PRPF31: variants seen among roughly 807,000 people sequenced by gnomAD.
The protein encoded by PRPF31 is pre-mRNA processing factor 31.
In PRPF31, 12 loss-of-function variants were observed where a neutral mutation model predicts 60.4. The ratio of observed to expected loss-of-function variants is 0.20; its 90% CI spans 0.13 to 0.32. The LOEUF is 0.32. Ranked by LOEUF, PRPF31 falls within the 10% of genes least tolerant of loss-of-function variation. The pLI, the probability that PRPF31 is intolerant of heterozygous loss-of-function variation, is 1.00. For missense variants in PRPF31, 431 were observed against 687.1 expected (o/e 0.63, Z 4.17); for synonymous variants, 287 against 287.9 (o/e 1.00, Z 0.03).
intron 5 of PRPF31, 140 bp downstream of exon 5, chr19:54,122,734 C>T (rs1486949578): frequency 2.6e-5 from 20 of 764,404 alleles, no homozygotes; most frequent in African/African-American, 2.4e-4. Flanking sequence ...CTCTGCCCAG[C>T]GTGGGAGGGA....
At chr19:54,122,775 C>T (rs2073824791) in intron 5 of PRPF31, 181 bp downstream of exon 5, 1 of 676,524 alleles carries the variant, frequency 1.5e-6, no homozygotes. Context: ...CTCAGGGCTC[C>T]CCTCCAACCC....
In PRPF31 at chr19:54,118,387, G is replaced by C; in HGVS notation, c.109G>C (p.Glu37Gln). Residue 37 changes from glutamate to glutamine, a missense_variant, in exon 2 of 14, where the codon GAG becomes CAG. Around this residue, in one of 4 missense-constraint regions of PRPF31, gnomAD observed 113 missense variants for 173.8 expected, o/e 0.65. Transcript: ENST00000321030. ...GGAGCCAGCGATCGAGGATGTGCAGGAGGAGACACAGCTGGATCTTTCCGG... is the reference window on the plus strand; with the variant it reads ...GGAGCCAGCGATCGAGGATGTGCAGCAGGAGACACAGCTGGATCTTTCCGG... ...EEEPAIEDVQEETQLDLSGDS... is the reference protein window; with the variant it reads ...EEEPAIEDVQQETQLDLSGDS... 6.2e-7 allele frequency: 1 copy of C among 1,614,152 alleles called. No individual in the cohort carries two copies. The highest frequency in any genetic ancestry group is 1.1e-5 in the South Asian group (1 of 91,084).
At chr19:54,118,153 G>T (rs1237104409) in intron 1 of PRPF31, 118 bp from the exon 2 acceptor site, 3 of 1,402,724 alleles carry the variant, frequency 2.1e-6, no homozygotes, top group Non-Finnish European at 3.0e-6. Flanking sequence ...CGTGGAGCCT[G>T]CATGCTAGTG....
At position 54,129,389 on chromosome 19, in the gene PRPF31, C is replaced by T; in HGVS notation, c.1374+19C>T. 1 of 1,574,286 alleles carries T rather than the reference C, an allele frequency of 6.4e-7. No homozygotes were observed. The highest frequency in any genetic ancestry group is 8.6e-7 in the Non-Finnish European group (1 of 1,161,452). ...ACTCCAGGTACCTCCCCTGGGCCGG[C>T]TCTGTCCCCAGCCCTGAGACCTTGG... On this transcript the variant is annotated intron_variant, in intron 13 of 13. Coordinates refer to ENST00000321030, the MANE Select transcript of PRPF31 (RefSeq NM_015629.4).
chr19:54,131,523 A>T lies in PRPF31; in HGVS notation c.*91A>T. 6.6e-7 allele frequency: 1 copy of T among 1,503,888 alleles called. No individual in the cohort carries two copies. Among genetic ancestry groups the T allele is most frequent in the Non-Finnish European group, 9.0e-7 (1 of 1,111,212 alleles). 93.2% of individuals were successfully genotyped at this position (1,503,888 alleles called of 1,614,324 possible). On this transcript the variant is annotated 3_prime_UTR_variant, in exon 14 of 14. Transcript: ENST00000321030. ...CTAGGATCGGGTTCTGGCAGGGAGA[A>T]CCTGCCCTGCCACTGGCCCCATTGC...
intron 1 of PRPF31, among the ~76,000 whole-genome samples, chr19:54,116,279 A>C (rs1238144315): frequency 6.6e-6 from 1 of 150,606 alleles, no homozygotes. Flanking sequence ...ATCTCGGTTC[A>C]CTGCAACCTC....
intron 1 of PRPF31, among the ~76,000 whole-genome samples, chr19:54,116,473 T>C (rs987435477): frequency 9.9e-5 from 15 of 152,208 alleles, no homozygotes. Context: ...CCCAAAGTGC[T>C]GGGATTACAG....
At chr19:54,118,245 TA>T in intron 1 of PRPF31, 25 bp from the exon 2 acceptor site, 2 of 1,612,094 alleles carry the variant, frequency 1.2e-6, no homozygotes, top group Non-Finnish European at 1.7e-6. Flanking sequence ...GGCAAGTTTT[TA>T]GGGAACGCTG....
At chr19:54,121,303 CAA>C (rs587751948) in intron 3 of PRPF31, among the ~76,000 whole-genome samples, 235 of 122,432 alleles carry the variant, frequency 1.9e-3, no homozygotes, top group Middle Eastern at 8.6e-3. Flanking sequence ...AATTATGTCT[CAA>C]AAAAAAAAAA....
chr19:54,122,685 G>GA, intron 5 of PRPF31, 91 bp downstream of exon 5: 1 of 1,010,432 alleles, frequency 9.9e-7, no homozygotes, highest in Non-Finnish European at 1.6e-6. Flanking sequence ...TGAGGGTCTG[G>GA]AGACGATGGA....
In PRPF31 at chr19:54,123,577, G is replaced by T. The variant is rs767102241; in HGVS notation, c.527+17G>T. 6.2e-7 allele frequency: 1 copy of T among 1,612,898 alleles called. No individual in the cohort carries two copies. The highest frequency in any genetic ancestry group is 2.2e-5 in the East Asian group (1 of 44,878). ...CACCCAGGGGTATGTCCGCTTCGAG[G>T]GAGGCGCCGGGCCCTAATGGGATTG... is the stretch of plus-strand genomic sequence containing the variant. On this transcript the variant is annotated intron_variant, in intron 6 of 13. Coordinates refer to ENST00000321030, the MANE Select transcript of PRPF31 (RefSeq NM_015629.4).
chr19:54,123,202 T>C, intron 5 of PRPF31: 1 of 592,014 alleles, frequency 1.7e-6, no homozygotes, highest in East Asian at 2.8e-5. Context: ...GGCCACAGTC[T>C]TTCCAGACGC....
chr19:54,127,803 G>A (rs1187517318), intron 9 of PRPF31, among the ~76,000 whole-genome samples: 1 of 152,222 alleles, frequency 6.6e-6, no homozygotes, highest in Non-Finnish European at 1.5e-5. Context: ...GTGTGGGGGT[G>A]CAGCTGTGAG....
At chr19:54,123,604 G>A in intron 6 of PRPF31, 44 bp downstream of exon 6, 2 of 1,609,268 alleles carry the variant, frequency 1.2e-6, no homozygotes, top group Non-Finnish European at 1.7e-6. Flanking sequence ...ATGGGATTGG[G>A]GATTAGGCTG....
chr19:54,128,484 T>C (rs2073974629), intron 11 of PRPF31, 107 bp downstream of exon 11: 1 of 1,172,606 alleles, frequency 8.5e-7, no homozygotes, highest in South Asian at 1.3e-5. Flanking sequence ...GGCTCATGTC[T>C]AGGGCGCTGC....
At chr19:54,125,635 A>G (rs1294147326) in intron 8 of PRPF31, among the ~76,000 whole-genome samples, 1 of 152,092 alleles carries the variant, frequency 6.6e-6, no homozygotes, top group Non-Finnish European at 1.5e-5. Context: ...GGGGAGAACA[A>G]TAGCACTGAT....
At chr19:54,127,539 TG>T (rs1199884654) in intron 9 of PRPF31, among the ~76,000 whole-genome samples, 14 of 152,168 alleles carry the variant, frequency 9.2e-5, no homozygotes, top group Non-Finnish European at 1.6e-4. Context: ...AATTAGAACA[TG>T]GGCCTCTTTG....
chr19:54,122,675 TGA>T, intron 5 of PRPF31, 81 bp downstream of exon 5: 1 of 1,142,906 alleles, frequency 8.7e-7, no homozygotes, highest in Non-Finnish European at 1.3e-6. Context: ...CCCAGAGGCC[TGA>T]GGGTCTGGAG....
In PRPF31 at chr19:54,122,587, C is replaced by T. The variant is rs2073819035; in HGVS notation, c.413C>T (p.Thr138Met). ...CCCAATGCACTGGATTACATCCGCACGGTCAAGGTGAGCGCAGAGAAGGTG... is the reference window on the plus strand; with the variant it reads ...CCCAATGCACTGGATTACATCCGCATGGTCAAGGTGAGCGCAGAGAAGGTG... ...LVPNALDYIR[T>M]VKELGNSLDK... The change falls in exon 5 of 14, where the codon ACG (threonine) becomes ATG (methionine). Residue 138 changes from threonine to methionine, a missense_variant. Coordinates refer to ENST00000321030, the MANE Select transcript of PRPF31 (RefSeq NM_015629.4). The T allele has an allele frequency of 1.2e-6, 2 of 1,613,626 alleles. No homozygotes were observed. The highest frequency in any genetic ancestry group is 8.5e-7 in the Non-Finnish European group (1 of 1,179,506).
Sources: allele counts gnomAD v4.1 joint callset (sites outside exome capture counted in the v4.1 genomes callset), GRCh38; gene constraint gnomAD v4.1.1; regional missense constraint gnomAD v4.1.1; transcripts MANE v1.5; gene names NCBI Gene and HGNC (gene_info 2026-07-23, HGNC 2026-07-21).